FMO4: variants seen among roughly 807,000 people sequenced by gnomAD.
The protein encoded by FMO4 is flavin containing dimethylaniline monoxygenase 4.
FMO4 carries 38 observed loss-of-function variants against 43.3 expected under a neutral mutation model. The observed-to-expected ratio is 0.88, with a 90% CI of 0.68 to 1.15. The LOEUF (loss-of-function observed/expected upper bound fraction) is 1.15, where lower values mean the gene tolerates loss of function less well. Ranked by LOEUF, FMO4 falls within the 50% of genes most tolerant of loss-of-function variation. The pLI, the probability that FMO4 is intolerant of heterozygous loss-of-function variation, is 0.00. For missense variants in FMO4, 631 were observed against 663.3 expected (o/e 0.95, Z 0.54); for synonymous variants, 224 against 232.2 (o/e 0.96, Z 0.32).
At position 171,316,696 on chromosome 1, in the gene FMO4, G is replaced by A. The variant is rs1662216024; in HGVS notation, c.-9+369G>A. Among the ~76,000 whole-genome samples the A allele has an allele frequency of 3.3e-5, 5 of 152,088 alleles. No individual in the cohort carries two copies. The South Asian group carries it at 8.3e-4, about 25-fold the overall frequency. On this transcript the variant is annotated intron_variant, in intron 2 of 9. Transcript: ENST00000367749. Reference sequence around the variant, plus strand: ...CTAAATAGGGACTCCCAAATAAAAAGTCTAAGAGGAAAAATGATGCATTTT... The same window carrying A: ...CTAAATAGGGACTCCCAAATAAAAAATCTAAGAGGAAAAATGATGCATTTT...
chr1:171,322,360 A>C (rs745672194), intron 3 of FMO4, among the ~76,000 whole-genome samples: 1 of 152,222 alleles, frequency 6.6e-6, no homozygotes, highest in Non-Finnish European at 1.5e-5. Context: ...GAAAGAAGGA[A>C]AAGATAAACA....
Position 171,332,925 on chromosome 1 carries a change from T to A in FMO4, c.827+17T>A. Reference sequence around the variant, plus strand: ...TACCAAAGGGTACTTACATTTTTTATTTAGTAGAAAAAATATTAAATCAAT... The same window carrying A: ...TACCAAAGGGTACTTACATTTTTTAATTAGTAGAAAAAATATTAAATCAAT... On this transcript the variant is annotated intron_variant, in intron 7 of 9. Coordinates refer to ENST00000367749, the MANE Select transcript of FMO4 (RefSeq NM_002022.3). 2 of 1,060,314 alleles carry A rather than the reference T, an allele frequency of 1.9e-6. No individual in the cohort carries two copies. Among genetic ancestry groups the A allele is most frequent in the South Asian group, 1.3e-5 (1 of 74,706 alleles). The allele number at this position is 1,060,314 out of a possible 1,614,324, so 65.7% of individuals were successfully genotyped here. A position where few individuals can be genotyped will look rare whatever the true frequency, so the allele number is the denominator to read the frequency against.
At chr1:171,327,093 G>A (rs1436118931) in intron 5 of FMO4, among the ~76,000 whole-genome samples, 1 of 152,156 alleles carries the variant, frequency 6.6e-6, no homozygotes, top group Non-Finnish European at 1.5e-5. Flanking sequence ...GCAAAGTTGA[G>A]CCCTCCAGTA....
chr1:171,315,864 A>G (rs1315660459), intron 1 of FMO4, among the ~76,000 whole-genome samples: 1 of 152,170 alleles, frequency 6.6e-6, no homozygotes, highest in Non-Finnish European at 1.5e-5. Context: ...CAGGGATAAT[A>G]AACAGGCCAG....
At chr1:171,328,659 A>G (rs1662770861) in intron 5 of FMO4, among the ~76,000 whole-genome samples, 2 of 151,990 alleles carry the variant, frequency 1.3e-5, no homozygotes. Flanking sequence ...CAAAAAAAAA[A>G]AAAAAGTTCT....
intron 3 of FMO4, among the ~76,000 whole-genome samples, chr1:171,321,010 C>T (rs1383505692): frequency 2.6e-5 from 4 of 151,286 alleles, no homozygotes. Context: ...TACATATAAG[C>T]AGGAGTAACC....
chr1:171,339,713 T>C (rs1479054920), intron 9 of FMO4, among the ~76,000 whole-genome samples: 2 of 151,890 alleles, frequency 1.3e-5, no homozygotes, highest in Admixed American at 6.6e-5. Context: ...ATGAAGAAGG[T>C]AGTAGAGTCA....
chr1:171,342,021 C>A lies in FMO4; in HGVS notation c.*182C>A. 3 of 579,146 alleles carry A rather than the reference C, an allele frequency of 5.2e-6. No individual in the cohort carries two copies. The highest frequency in any genetic ancestry group is 9.1e-6 in the Non-Finnish European group (3 of 328,522). 35.9% of individuals were successfully genotyped at this position (579,146 alleles called of 1,614,324 possible). ...GTACCCTCTTTCTTGCCACCCTTTC[C>A]AATGCATCTTCTACCCTGCTACCTC... On this transcript the variant is annotated 3_prime_UTR_variant, in exon 10 of 10. Transcript: ENST00000367749.
rs1003206756 is a variant in FMO4, at chr1:171,334,754, G to C, written c.1171G>C (p.Val391Leu). ...TELQARWVTR[V>L]FKGLCKIPPS... is the part of the protein sequence containing the mutation. ...GCTCCAAGCACGATGGGTCACAAGA[G>C]TATTCAAAGGTACCATGACTCTACT... The change falls in exon 8 of 10, where the codon GTA becomes CTA. Residue 391 changes from valine to leucine, a missense_variant. By Grantham distance (32) the Val-to-Leu change is conservative. Transcript: ENST00000367749. 1 of 1,545,792 alleles carries C rather than the reference G, an allele frequency of 6.5e-7. No homozygotes were observed. The highest frequency in any genetic ancestry group is 8.7e-7 in the Non-Finnish European group (1 of 1,148,182).
At position 171,328,058 on chromosome 1, in the gene FMO4, G is replaced by A. The variant is rs140297847; in HGVS notation, c.485-3582G>A. The stretch of plus-strand genomic sequence containing the variant: ...AAGTCTTTATTTATTTATTTATTTT[G>A]AGACAGAGTTTTGCTCTTGTTCCCC... On this transcript the variant is annotated intron_variant, in intron 5 of 9. Coordinates refer to ENST00000367749, the MANE Select transcript of FMO4 (RefSeq NM_002022.3). Among the ~76,000 whole-genome samples the A allele has an allele frequency of 6.2e-3, 925 of 149,672 alleles. 11 individuals carry two copies. Among genetic ancestry groups the A allele is most frequent in the African/African-American group, 0.021 (821 of 39,330 alleles).
intron 5 of FMO4, among the ~76,000 whole-genome samples, chr1:171,331,137 A>C (rs1662884789): frequency 6.6e-6 from 1 of 152,232 alleles, no homozygotes; most frequent in Non-Finnish European, 1.5e-5. Flanking sequence ...GAATATATCT[A>C]TTGGGCAAAG....
chr1:171,334,725 C>T lies in FMO4; in HGVS notation c.1142C>T (p.Thr381Ile). The change falls in exon 8 of 10, where the codon ACA (threonine) becomes ATA (isoleucine). Residue 381 changes from threonine to isoleucine, a missense_variant. Physicochemically the swap from Thr to Ile is moderately conservative, Grantham distance 89 (BLOSUM62 -1). Transcript: ENST00000367749. ...CTTAAAGGATCCATCTTATCAGGCACAGAGCTCCAAGCACGATGGGTCACA... is the reference window on the plus strand; with the variant it reads ...CTTAAAGGATCCATCTTATCAGGCATAGAGCTCCAAGCACGATGGGTCACA... Reference protein sequence around the residue: ...IGLKGSILSGTELQARWVTRV... With the variant: ...IGLKGSILSGIELQARWVTRV... 6.3e-7 allele frequency: 1 copy of T among 1,599,778 alleles called. No individual in the cohort carries two copies. The highest frequency in any genetic ancestry group is 8.5e-7 in the Non-Finnish European group (1 of 1,175,612).
chr1:171,336,844 C>T (rs1220192717), intron 8 of FMO4, among the ~76,000 whole-genome samples: 1 of 152,010 alleles, frequency 6.6e-6, no homozygotes, highest in Non-Finnish European at 1.5e-5. Context: ...TTAAGCTGTC[C>T]TCCTACCTTG....
At chr1:171,320,048 A>G in intron 3 of FMO4, 91 bp downstream of exon 3, 1 of 1,434,422 alleles carries the variant, frequency 7.0e-7, no homozygotes, top group Non-Finnish European at 9.7e-7. Flanking sequence ...GTGATCAAGT[A>G]AGGGAGTGGC....
chr1:171,337,527 T>C, intron 9 of FMO4, 102 bp downstream of exon 9: 1 of 799,118 alleles, frequency 1.3e-6, no homozygotes, highest in Non-Finnish European at 2.1e-6. Flanking sequence ...GTATGGCAGG[T>C]TGGAAATAAC....
chr1:171,314,798 A>C (rs1234085966), intron 1 of FMO4, among the ~76,000 whole-genome samples: 1 of 152,184 alleles, frequency 6.6e-6, no homozygotes, highest in African/African-American at 2.4e-5. Flanking sequence ...TGGTAGGATG[A>C]TGATAAGAAA....
At chr1:171,325,059 A>G (rs1008810091) in intron 5 of FMO4, among the ~76,000 whole-genome samples, 4 of 152,210 alleles carry the variant, frequency 2.6e-5, no homozygotes, top group African/African-American at 7.2e-5. Context: ...CAGTGAGCAA[A>G]GATCACGTCA....
At chr1:171,329,534 G>A (rs1192685860) in intron 5 of FMO4, among the ~76,000 whole-genome samples, 1 of 152,128 alleles carries the variant, frequency 6.6e-6, no homozygotes, top group African/African-American at 2.4e-5. Flanking sequence ...TGTCAACAGT[G>A]GGAGAAATGC....
At chr1:171,326,655 G>A (rs1662680080) in intron 5 of FMO4, among the ~76,000 whole-genome samples, 1 of 152,186 alleles carries the variant, frequency 6.6e-6, no homozygotes, top group Admixed American at 6.5e-5. Flanking sequence ...TTTAACTATA[G>A]GCTATGAGTT....
Sources: gnomAD v4.1 joint callset for allele counts (sites outside exome capture counted in the v4.1 genomes callset) on GRCh38, gnomAD v4.1.1 for gene constraint, MANE v1.5 for transcripts, NCBI Gene and HGNC (gene_info 2026-07-23, HGNC 2026-07-21) for gene names.